The following COL24A1 variants were observed in gnomAD, a reference collection of about 807,000 sequenced individuals.
COL24A1 encodes collagen type XXIV alpha 1 chain.
In COL24A1, 224 loss-of-function variants were observed where a neutral mutation model predicts 253.9. The observed-to-expected ratio is 0.88, with a 90% CI of 0.79 to 0.99. COL24A1 has a LOEUF of 0.99. COL24A1 is among the 50% of genes least tolerant of loss of function. The pLI, the probability that COL24A1 is intolerant of heterozygous loss-of-function variation, is 0.00. For synonymous variants in COL24A1, 685 were observed against 673.7 expected (o/e 1.02, Z -0.26); for missense variants, 2,131 against 2,068.5 (o/e 1.03, Z -0.59).
At chr1:86,103,729 T>C (rs1298326787) in intron 5 of COL24A1, among the ~76,000 whole-genome samples, 3 of 152,226 alleles carry the variant, frequency 2.0e-5, no homozygotes, top group African/African-American at 7.2e-5. Context: ...TCTGGCAATG[T>C]ATGGTTTCTG....
rs1688919018 is a variant in COL24A1 at position 85,943,195 on chromosome 1, T to C, written c.2562+18054A>G. On this transcript the variant is annotated intron_variant, in intron 24 of 59. Transcript: ENST00000370571. The stretch of plus-strand genomic sequence containing the variant: ...TTTTGGACTCCAGGACTTACACCAG[T>C]ACCCGCTATGTCCTGTGGCTTTCAG... Among the ~76,000 whole-genome samples the C allele has an allele frequency of 2.0e-5, 3 of 152,212 alleles. No individual in the cohort carries two copies. In the South Asian group the frequency reaches 6.2e-4, roughly 31 times the overall value.
intron 5 of COL24A1, among the ~76,000 whole-genome samples, chr1:86,098,892 A>G (rs2102028930): frequency 6.6e-6 from 1 of 152,216 alleles, no homozygotes; most frequent in African/African-American, 2.4e-5. Context: ...AAAATCTTCT[A>G]GACATACAAA....
chr1:86,049,248 T>C (rs939602488), intron 11 of COL24A1, among the ~76,000 whole-genome samples: 1 of 152,238 alleles, frequency 6.6e-6, no homozygotes, highest in Middle Eastern at 3.2e-3. Context: ...ACAGCATATT[T>C]AAACTCTTTG....
At chr1:86,067,202 C>A (rs1001716602) in intron 7 of COL24A1, among the ~76,000 whole-genome samples, 2 of 151,598 alleles carry the variant, frequency 1.3e-5, no homozygotes, top group Admixed American at 6.6e-5. Flanking sequence ...GAAGAATTCA[C>A]GTAAGGTCAG....
At chr1:85,948,984 G>C (rs1025199298) in intron 24 of COL24A1, among the ~76,000 whole-genome samples, 1 of 152,006 alleles carries the variant, frequency 6.6e-6, no homozygotes, top group African/African-American at 2.4e-5. Flanking sequence ...TGAAACTTTT[G>C]CTTAACATTC....
intron 2 of COL24A1, among the ~76,000 whole-genome samples, chr1:86,132,509 T>C (rs1270926307): frequency 6.6e-6 from 1 of 152,208 alleles, no homozygotes; most frequent in Non-Finnish European, 1.5e-5. Flanking sequence ...GTCTAACATG[T>C]AAGTCTTTAA....
At chr1:85,962,271 G>T (rs1223768831) in intron 23 of COL24A1, among the ~76,000 whole-genome samples, 1 of 152,130 alleles carries the variant, frequency 6.6e-6, no homozygotes, top group Non-Finnish European at 1.5e-5. Context: ...CATAACCTCT[G>T]AAACAAAATT....
chr1:86,082,411 A>G (rs1364944715), intron 7 of COL24A1, among the ~76,000 whole-genome samples: 1 of 151,702 alleles, frequency 6.6e-6, no homozygotes, highest in East Asian at 1.9e-4. Context: ...ATACTTGTCC[A>G]CTAGGTGCAG....
chr1:86,060,903 T>C (rs138693958), intron 8 of COL24A1, among the ~76,000 whole-genome samples: 4 of 151,934 alleles, frequency 2.6e-5, no homozygotes, highest in Non-Finnish European at 4.4e-5. Flanking sequence ...TATATTTACA[T>C]AATATTTTAT....
chr1:85,833,791 A>T (rs1314435921), intron 43 of COL24A1, among the ~76,000 whole-genome samples: 1 of 152,184 alleles, frequency 6.6e-6, no homozygotes, highest in Admixed American at 6.5e-5. Context: ...CAGCCATAAA[A>T]AAGGATGAGT....
chr1:85,852,234 T>C (rs1362856331), intron 37 of COL24A1, among the ~76,000 whole-genome samples: 2 of 152,202 alleles, frequency 1.3e-5, no homozygotes, highest in Admixed American at 6.5e-5. Flanking sequence ...AATCAATTTA[T>C]CAAAAATCAA....
intron 45 of COL24A1, among the ~76,000 whole-genome samples, chr1:85,822,611 G>A (rs1173558636): frequency 1.3e-5 from 2 of 152,134 alleles, no homozygotes; most frequent in Non-Finnish European, 2.9e-5. Flanking sequence ...AACCAATTAT[G>A]AGCCTGTGTT....
In COL24A1 at chr1:85,876,140, G is replaced by A. The variant is rs566006966; in HGVS notation, c.3031-810C>T. ...ACGAATGATATAAGAATGATAAACC[G>A]GCAACAAGTAGAAGATGGAATTATA... On this transcript the variant is annotated intron_variant, in intron 33 of 59. Transcript: ENST00000370571. Among the ~76,000 whole-genome samples the A allele has an allele frequency of 7.9e-5, 12 of 152,024 alleles. No homozygotes were observed. The South Asian group carries it at 8.3e-4, about 11-fold the overall frequency.
At chr1:85,831,142 G>C (rs369060271) in intron 43 of COL24A1, among the ~76,000 whole-genome samples, 12 of 152,138 alleles carry the variant, frequency 7.9e-5, no homozygotes, top group African/African-American at 2.9e-4. Context: ...GAAAAACCAT[G>C]ATCACACACG....
Position 85,885,397 on chromosome 1 carries a change from A to ATAT in COL24A1, c.2976+4162_2976+4163insATA, listed in dbSNP as rs60994639. Among the ~76,000 whole-genome samples the ATAT allele has an allele frequency of 1.9e-4, 25 of 128,910 alleles. 1 individual carries two copies. The highest frequency in any genetic ancestry group is 4.1e-3 in the Middle Eastern group (1 of 242). 84.6% of individuals were successfully genotyped at this position (128,910 alleles called of 152,430 possible). ...TGTGTGTATATATATATATATATAT[A>ATAT]TTTTTTTTTTAAGTAGAAACTAAAT... is the stretch of plus-strand genomic sequence containing the variant. On this transcript the variant is annotated intron_variant, in intron 32 of 59. Transcript: ENST00000370571.
intron 5 of COL24A1, among the ~76,000 whole-genome samples, chr1:86,104,977 G>A (rs1397645202): frequency 6.6e-6 from 1 of 152,232 alleles, no homozygotes; most frequent in Non-Finnish European, 1.5e-5. Context: ...CACACTGGTG[G>A]TGGTGTTAGC....
intron 47 of COL24A1, among the ~76,000 whole-genome samples, chr1:85,791,188 G>C (rs1670235108): frequency 6.6e-6 from 1 of 152,066 alleles, no homozygotes; most frequent in African/African-American, 2.4e-5. Flanking sequence ...TACCAGCACG[G>C]CCTGTTGGTT....
At chr1:85,961,592 T>C (rs1691070508) in intron 23 of COL24A1, among the ~76,000 whole-genome samples, 3 of 152,164 alleles carry the variant, frequency 2.0e-5, no homozygotes, top group Admixed American at 1.3e-4. Context: ...ATTCAAATAG[T>C]AACGTATCAG....
chr1:85,997,989 G>A (rs1282202853), intron 19 of COL24A1, among the ~76,000 whole-genome samples: 1 of 152,072 alleles, frequency 6.6e-6, no homozygotes, highest in Non-Finnish European at 1.5e-5. Flanking sequence ...AGAGTGTCTT[G>A]GTTATATTCA....
Sources: gnomAD v4.1 joint callset for allele counts (sites outside exome capture counted in the v4.1 genomes callset) on GRCh38, gnomAD v4.1.1 for gene constraint, MANE v1.5 for transcripts, NCBI Gene and HGNC (gene_info 2026-07-23, HGNC 2026-07-21) for gene names.